KLHDC1: variants seen among roughly 807,000 people sequenced by gnomAD.
The protein encoded by KLHDC1 is kelch domain-containing protein 1.
In KLHDC1, 53 loss-of-function variants were observed where a neutral mutation model predicts 68.3. The observed-to-expected ratio is 0.78, with a 90% confidence interval of 0.62 to 0.98. The LOEUF is 0.98. KLHDC1 is among the 50% of genes least tolerant of loss of function. The pLI, the probability that KLHDC1 is intolerant of heterozygous loss-of-function variation, is 0.00. For missense variants in KLHDC1, 470 were observed against 492.3 expected, an observed-to-expected ratio of 0.95 and a Z score of 0.43; for synonymous variants, 148 against 159.0, an observed-to-expected ratio of 0.93 and a Z score of 0.52.
At chr14:49,705,042 A>C (rs1234255235) in intron 1 of KLHDC1, among the ~76,000 whole-genome samples, 1 of 152,094 alleles carries the variant, frequency 6.6e-6, no homozygotes, top group Non-Finnish European at 1.5e-5. Context: ...AGGGGACCTT[A>C]ATACTTTAAG....
intron 5 of KLHDC1, among the ~76,000 whole-genome samples, chr14:49,724,526 C>T (rs189597623): frequency 6.6e-6 from 1 of 151,808 alleles, no homozygotes; most frequent in Admixed American, 6.6e-5. Context: ...TATTATTCTA[C>T]ATTAGTGTAA....
intron 1 of KLHDC1, among the ~76,000 whole-genome samples, chr14:49,705,365 C>CTTTTTTTATTTTTTTTT (rs755036304): frequency 1.4e-5 from 1 of 71,664 alleles, no homozygotes; most frequent in Non-Finnish European, 2.4e-5. Context: ...TTCTTTCTTT[C>CTTTTTTTATTTTTTTTT]TTTTTTTTTT....
chr14:49,729,662 C>G, intron 8 of KLHDC1, 114 bp downstream of exon 8: 2 of 661,934 alleles, frequency 3.0e-6, no homozygotes, highest in South Asian at 3.8e-5. Flanking sequence ...TCCTTCAGAT[C>G]GTATGTCTAA....
At chr14:49,732,287 C>G (rs1386397100) in intron 8 of KLHDC1, among the ~76,000 whole-genome samples, 1 of 152,084 alleles carries the variant, frequency 6.6e-6, no homozygotes, top group Non-Finnish European at 1.5e-5. Flanking sequence ...ATTCTCCTGC[C>G]TCAGCCTCCC....
intron 4 of KLHDC1, among the ~76,000 whole-genome samples, chr14:49,718,003 C>A (rs899971901): frequency 6.6e-6 from 1 of 152,088 alleles, no homozygotes; most frequent in Non-Finnish European, 1.5e-5. Flanking sequence ...CCTTCCACCT[C>A]AGCCTCCTGA....
intron 2 of KLHDC1, among the ~76,000 whole-genome samples, 161 bp downstream of exon 2, chr14:49,709,390 C>A (rs1314094351): frequency 6.6e-6 from 1 of 152,066 alleles, no homozygotes; most frequent in Admixed American, 6.6e-5. Context: ...TCTTTCATTC[C>A]CCTACTGTCT....
rs1233917261 is a variant in KLHDC1, at chr14:49,721,471, TC to T, written c.405-2402del. Reference sequence around the variant, plus strand: ...AGTTTTTAAATTATATGCCAGATCTTCTGTCTGAAAGAACAGTAAAGATTGG... The same window carrying T: ...AGTTTTTAAATTATATGCCAGATCTTTGTCTGAAAGAACAGTAAAGATTGG... On this transcript the variant is annotated intron_variant, in intron 4 of 12. Coordinates refer to ENST00000359332, the MANE Select transcript of KLHDC1 (RefSeq NM_172193.3). 2.0e-5 allele frequency among the ~76,000 whole-genome samples: 3 copies of T among 152,182 alleles called. No homozygotes were observed. In the East Asian group the frequency reaches 5.8e-4, roughly 29 times the overall value.
intron 1 of KLHDC1, among the ~76,000 whole-genome samples, chr14:49,706,909 A>G (rs777351308): frequency 6.6e-5 from 10 of 152,070 alleles, no homozygotes; most frequent in Admixed American, 3.3e-4. Flanking sequence ...GGAGTTTGCA[A>G]ATATTTTCTC....
At chr14:49,697,310 G>A (rs1458726767) in intron 1 of KLHDC1, among the ~76,000 whole-genome samples, 1 of 152,138 alleles carries the variant, frequency 6.6e-6, no homozygotes, top group Non-Finnish European at 1.5e-5. Context: ...GGGAATGGTT[G>A]GTCAGTGGAA....
At chr14:49,739,575 G>C (rs773810519) in intron 10 of KLHDC1, among the ~76,000 whole-genome samples, 14 of 152,152 alleles carry the variant, frequency 9.2e-5, no homozygotes, top group Admixed American at 7.2e-4. Context: ...GGGGAACATA[G>C]AGTAGGAAAA....
intron 5 of KLHDC1, among the ~76,000 whole-genome samples, chr14:49,725,220 T>A (rs936863603): frequency 1.3e-5 from 2 of 152,066 alleles, no homozygotes; most frequent in Admixed American, 6.6e-5. Flanking sequence ...AAGAAGAGAG[T>A]GGTCATAAGT....
At chr14:49,709,667 C>T in intron 2 of KLHDC1, 42 bp from the exon 3 acceptor site, 1 of 1,157,936 alleles carries the variant, frequency 8.6e-7, no homozygotes, top group East Asian at 2.6e-5. Flanking sequence ...TTTAATTTGC[C>T]TTTCTGGAAA....
At chr14:49,740,215 G>T in intron 11 of KLHDC1, 33 bp downstream of exon 11, 1 of 1,312,892 alleles carries the variant, frequency 7.6e-7, no homozygotes, top group South Asian at 1.2e-5. Context: ...TATTTCCTCT[G>T]AGTAGTTGTG....
At chr14:49,732,993 G>A (rs112513994) in intron 9 of KLHDC1, among the ~76,000 whole-genome samples, 177 bp downstream of exon 9, 17 of 152,154 alleles carry the variant, frequency 1.1e-4, no homozygotes, top group African/African-American at 3.9e-4. Flanking sequence ...GGCTCTCCAC[G>A]TTCCCCTGTT....
Position 49,705,365 on chromosome 14 carries a change from C to CTTTTTT in KLHDC1, c.97-3778_97-3773dup, listed in dbSNP as rs59444333. On this transcript the variant is annotated intron_variant, in intron 1 of 12. Transcript: ENST00000359332. ...TCACTTTCATAATATTTCTTTCTTT[C>CTTTTTT]TTTTTTTTTTTTTTTTTTTTTGAGA... Among the ~76,000 whole-genome samples, 66 of 71,666 alleles carry CTTTTTT rather than the reference C, an allele frequency of 9.2e-4. 19 individuals carry two copies. Among genetic ancestry groups the CTTTTTT allele is most frequent in the East Asian group, 8.8e-3 (18 of 2,046 alleles). 47.0% of individuals were successfully genotyped at this position (71,666 alleles called of 152,430 possible). A position where few individuals can be genotyped will look rare whatever the true frequency, so the allele number is the denominator to read the frequency against.
rs994111746 is a variant in KLHDC1 at position 49,730,510 on chromosome 14, G to A, written c.710+962G>A. The stretch of plus-strand genomic sequence containing the variant: ...GCTGGGATTACAGGCATGAGCCACC[G>A]TGCCCAGCTGACATTTGCAATATTT... On this transcript the variant is annotated intron_variant, in intron 8 of 12. Transcript: ENST00000359332. 3.9e-5 allele frequency among the ~76,000 whole-genome samples: 6 copies of A among 151,916 alleles called. No individual in the cohort carries two copies. The East Asian group carries it at 7.8e-4, about 20-fold the overall frequency.
intron 4 of KLHDC1, among the ~76,000 whole-genome samples, chr14:49,722,604 A>C (rs148116315): frequency 1.7e-4 from 26 of 152,338 alleles, no homozygotes; most frequent in African/African-American, 6.3e-4. Flanking sequence ...CAAGCCTTGT[A>C]TTACGCCTTT....
chr14:49,705,557 G>C (rs1284343565), intron 1 of KLHDC1, among the ~76,000 whole-genome samples: 1 of 151,488 alleles, frequency 6.6e-6, no homozygotes, highest in African/African-American at 2.4e-5. Context: ...TTTTAGTAGA[G>C]ACAGGGTTTC....
chr14:49,714,428 G>C (rs1226609870), intron 4 of KLHDC1, among the ~76,000 whole-genome samples: 1 of 151,726 alleles, frequency 6.6e-6, no homozygotes, highest in South Asian at 2.1e-4. Flanking sequence ...AGCCGAGATC[G>C]CGCCATTGCA....
Sources: allele counts gnomAD v4.1 joint callset (sites outside exome capture counted in the v4.1 genomes callset), GRCh38; gene constraint gnomAD v4.1.1; transcripts MANE v1.5; gene names NCBI Gene and HGNC (gene_info 2026-07-23, HGNC 2026-07-21).